Variants in CNTRL observed in about 807,000 individuals in gnomAD.
The protein encoded by CNTRL is 110 kDa centrosomal protein.
In CNTRL, 233 loss-of-function variants were observed where a neutral mutation model predicts 303.7. The ratio of observed to expected loss-of-function variants is 0.77; its 90% CI spans 0.69 to 0.86. CNTRL has a LOEUF of 0.86. Among genes scored for constraint, CNTRL ranks in the 40% least tolerant of loss-of-function variants. The probability of loss-of-function intolerance (pLI) is 0.00; values close to 1 mark genes in which losing one functional copy is unlikely to be tolerated. For missense variants in CNTRL, 2,524 were observed against 2,650.6 expected (o/e 0.95, Z 1.05); for synonymous variants, 900 against 922.2 (o/e 0.98, Z 0.44).
chr9:121,097,415 G>C (rs1001171240), intron 6 of CNTRL, among the ~76,000 whole-genome samples: 11 of 152,204 alleles, frequency 7.2e-5, no homozygotes, highest in African/African-American at 2.6e-4. Context: ...TGGGGGCTCA[G>C]ATGAAATGAT....
chr9:121,138,501 A>T (rs200168193), intron 15 of CNTRL, 44 bp from the exon 16 acceptor site: 2 of 1,582,436 alleles, frequency 1.3e-6, no homozygotes, highest in South Asian at 2.3e-5. Flanking sequence ...ATCATAAATT[A>T]TTGCTGTTTT....
chr9:121,176,472 G>A (rs1045712911), intron 43 of CNTRL, among the ~76,000 whole-genome samples: 1 of 152,174 alleles, frequency 6.6e-6, no homozygotes, highest in African/African-American at 2.4e-5. Context: ...AAATCATCAT[G>A]GGCCTTAGGG....
intron 8 of CNTRL, chr9:121,111,300 G>A (rs928955377): frequency 4.6e-5 from 7 of 152,232 alleles, no homozygotes; most frequent in African/African-American, 1.7e-4. Context: ...TCTCTGTGCA[G>A]CTTTTATCAT....
chr9:121,151,875 G>A (rs1205805628), intron 25 of CNTRL, among the ~76,000 whole-genome samples: 1 of 152,210 alleles, frequency 6.6e-6, no homozygotes, highest in East Asian at 1.9e-4. Context: ...TAGAGGGTCT[G>A]TGTGCATTTA....
At position 121,135,976 on chromosome 9, in the gene CNTRL, T is replaced by TA. The variant is rs2051167739; in HGVS notation, c.2197dup (p.Thr733AsnfsTer13). The TA allele has an allele frequency of 6.2e-7, 1 of 1,602,226 alleles. No homozygotes were observed. Among genetic ancestry groups the TA allele is most frequent in the African/African-American group, 1.3e-5 (1 of 74,782 alleles). ...AAGAGTTGGAAAAAGTAACAAGACT[T>TA]ACCCAGGTAAGTAGGAGCATGAAGC... On this transcript the variant is annotated frameshift_variant, in exon 15 of 44. Transcript: ENST00000373855. LOFTEE classifies it high-confidence loss of function.
chr9:121,111,156 G>A (rs1202369563), intron 8 of CNTRL: 1 of 152,158 alleles, frequency 6.6e-6, no homozygotes, highest in Non-Finnish European at 1.5e-5. Context: ...TGTGGGTAAT[G>A]TGCTGGACAC....
chr9:121,120,376 CTTGA>C (rs940840701), intron 12 of CNTRL, among the ~76,000 whole-genome samples: 3 of 151,996 alleles, frequency 2.0e-5, no homozygotes, highest in African/African-American at 4.8e-5. Context: ...CAAAAGTAGT[CTTGA>C]TTATTTTAAA....
At chr9:121,121,506 C>G (rs1207566994) in intron 12 of CNTRL, among the ~76,000 whole-genome samples, 2 of 152,194 alleles carry the variant, frequency 1.3e-5, no homozygotes, top group Admixed American at 1.3e-4. Context: ...AATTCACAGA[C>G]TATTTTAGTT....
chr9:121,083,233 A>G (rs947306634), intron 2 of CNTRL, among the ~76,000 whole-genome samples: 3 of 152,178 alleles, frequency 2.0e-5, no homozygotes, highest in Admixed American at 6.5e-5. Context: ...GCTTGCTGTA[A>G]TGTTTTTACT....
intron 8 of CNTRL, among the ~76,000 whole-genome samples, chr9:121,108,465 A>G (rs895933246): frequency 3.3e-5 from 5 of 152,152 alleles, no homozygotes; most frequent in African/African-American, 9.7e-5. Flanking sequence ...TATGAACTGT[A>G]GTTGCCTAGT....
At chr9:121,172,461 C>T (rs2053350081) in intron 40 of CNTRL, among the ~76,000 whole-genome samples, 2 of 151,818 alleles carry the variant, frequency 1.3e-5, no homozygotes, top group Non-Finnish European at 2.9e-5. Context: ...GGAAACATGC[C>T]GAGACCCCGT....
At chr9:121,111,433 A>T (rs1038941382) in intron 8 of CNTRL, among the ~76,000 whole-genome samples, 15 of 152,214 alleles carry the variant, frequency 9.9e-5, no homozygotes, top group Admixed American at 8.5e-4. Context: ...TTCCATTTTG[A>T]TGGATAATCA....
rs528678334 is a variant in CNTRL, at chr9:121,135,819, T to C, written c.2039T>C (p.Leu680Pro). ...GAATCTTTCTAGGAGCTTGCAGAGCTAGAAAGTGCCCTCCAAGAGCAGCAT... is the reference window on the plus strand; with the variant it reads ...GAATCTTTCTAGGAGCTTGCAGAGCCAGAAAGTGCCCTCCAAGAGCAGCAT... ...AENMRKELAELESALQEQHEV... is the reference protein window; with the variant it reads ...AENMRKELAEPESALQEQHEV... Residue 680 changes from leucine (L) to proline (P), a missense_variant, in exon 15 of 44, where the codon CTA (leucine) becomes CCA (proline). Transcript: ENST00000373855. 6.2e-7 allele frequency: 1 copy of C among 1,612,120 alleles called. No homozygotes were observed. The highest frequency in any genetic ancestry group is 1.3e-5 in the African/African-American group (1 of 74,916).
chr9:121,136,937 T>A (rs2133894007), intron 15 of CNTRL, among the ~76,000 whole-genome samples: 1 of 152,278 alleles, frequency 6.6e-6, no homozygotes, highest in African/African-American at 2.4e-5. Flanking sequence ...TTTCAGCTGA[T>A]GGCTGATGGA....
chr9:121,130,059 C>G (rs528558694), intron 14 of CNTRL, among the ~76,000 whole-genome samples: 1 of 152,340 alleles, frequency 6.6e-6, no homozygotes, highest in East Asian at 1.9e-4. Flanking sequence ...AGGATTTTCA[C>G]ATCGATATTC....
chr9:121,125,401 C>T (rs1297558162), intron 13 of CNTRL, among the ~76,000 whole-genome samples: 3 of 151,984 alleles, frequency 2.0e-5, no homozygotes, highest in Non-Finnish European at 2.9e-5. Flanking sequence ...CCTCATGATC[C>T]GCCTGCCTTG....
Position 121,125,764 on chromosome 9 carries a change from T to A in CNTRL, c.1853T>A (p.Ile618Asn). ...EALKKDLEGV[I>N]SGLQEYLGTI... ...CTGAAGAAGGATTTAGAAGGTGTTA[T>A]CAGTGGGTTGCAAGAATACCTGGGG... The change falls in exon 14 of 44, where the codon ATC becomes AAC. Residue 618 changes from isoleucine (I) to asparagine (N), a missense_variant. Coordinates refer to ENST00000373855, the MANE Select transcript of CNTRL (RefSeq NM_007018.6). The A allele has an allele frequency of 6.2e-7, 1 of 1,614,180 alleles. No individual in the cohort carries two copies. Among genetic ancestry groups the A allele is most frequent in the African/African-American group, 1.3e-5 (1 of 75,036 alleles).
At chr9:121,145,097 C>A in intron 21 of CNTRL, 138 bp downstream of exon 21, 1 of 1,134,220 alleles carries the variant, frequency 8.8e-7, no homozygotes, top group Non-Finnish European at 1.3e-6. Flanking sequence ...CTACTGTGTG[C>A]CAGGCTTGGT....
At chr9:121,094,319 T>C (rs1454303373) in intron 4 of CNTRL, among the ~76,000 whole-genome samples, 1 of 151,980 alleles carries the variant, frequency 6.6e-6, no homozygotes, top group Non-Finnish European at 1.5e-5. Context: ...CATGACATGG[T>C]AGAAGGCATC....
Sources: allele counts gnomAD v4.1 joint callset (sites outside exome capture counted in the v4.1 genomes callset), GRCh38; gene constraint gnomAD v4.1.1; transcripts MANE v1.5; gene names NCBI Gene and HGNC (gene_info 2026-07-23, HGNC 2026-07-21).